The following MMP2 variants were observed in gnomAD, a reference collection of about 807,000 sequenced individuals.
MMP2 encodes matrix metallopeptidase 2.
In MMP2, 39 loss-of-function variants were observed where a neutral mutation model predicts 74.8. That is an observed-to-expected ratio of 0.52 (90% CI 0.40 to 0.68). The LOEUF (loss-of-function observed/expected upper bound fraction) is 0.68. Ranked by LOEUF, MMP2 falls within the 30% of genes least tolerant of loss-of-function variation. The pLI is 0.00. For missense variants in MMP2, 803 were observed against 878.3 expected (o/e 0.91, Z 1.08); for synonymous variants, 367 against 339.8 (o/e 1.08, Z -0.88).
intron 11 of MMP2, among the ~76,000 whole-genome samples, chr16:55,502,575 A>G (rs1299345282): frequency 6.6e-6 from 1 of 152,176 alleles, no homozygotes; most frequent in Non-Finnish European, 1.5e-5. Flanking sequence ...CCAAAGTCAT[A>G]TAATTAAAAG....
rs572635943 is a variant in MMP2 at position 55,483,207 on chromosome 16, T to C, written c.380+72T>C. ...ACGAGTCTCCTTGACCCATGCATTC[T>C]CTCCACTCAGGGGATCCATGAGGTG... On this transcript the variant is annotated intron_variant, in intron 2 of 12. Coordinates refer to ENST00000219070, the MANE Select transcript of MMP2 (RefSeq NM_004530.6). 4.1e-6 allele frequency: 5 copies of C among 1,231,452 alleles called. No individual in the cohort carries two copies. In the South Asian group the frequency reaches 6.7e-5, roughly 16 times the overall value. The allele number at this position is 1,231,452 out of a possible 1,614,324, so 76.3% of individuals were successfully genotyped here.
At chr16:55,485,851 C>A in intron 5 of MMP2, 74 bp downstream of exon 5, 1 of 1,486,306 alleles carries the variant, frequency 6.7e-7, no homozygotes, top group Non-Finnish European at 9.3e-7. Flanking sequence ...GTGTGCTCTT[C>A]CCTCCACACT....
intron 9 of MMP2, among the ~76,000 whole-genome samples, chr16:55,495,174 G>A (rs1962501833): frequency 6.6e-6 from 1 of 152,200 alleles, no homozygotes; most frequent in African/African-American, 2.4e-5. Context: ...GCCCAAATCA[G>A]GATATATAAC....
rs1413803169 is a variant in MMP2, at chr16:55,497,012, T to C, written c.1559T>C (p.Ile520Thr). 10 of 1,614,148 alleles carry C rather than the reference T, an allele frequency of 6.2e-6. No homozygotes were observed. In the Middle Eastern group the frequency reaches 6.6e-4, roughly 107 times the overall value. Residue 520 changes from isoleucine to threonine, a missense_variant, in exon 10 of 13, where the codon ATT (isoleucine) becomes ACT (threonine). By Grantham distance (89) the Ile-to-Thr change is moderately conservative. Transcript: ENST00000219070. ...ATFWPELPEK[I>T]DAVYEAPQEE... is the part of the protein sequence containing the mutation. The stretch of plus-strand genomic sequence containing the variant: ...TTCTGGCCTGAGCTCCCGGAAAAGA[T>C]TGATGCGGTATACGAGGCCCCACAG...
At chr16:55,480,855 T>C (rs569204748) in intron 1 of MMP2, among the ~76,000 whole-genome samples, 1 of 152,260 alleles carries the variant, frequency 6.6e-6, no homozygotes, top group Admixed American at 6.5e-5. Context: ...GAAACCTCCA[T>C]ACATTTTTAG....
At position 55,491,888 on chromosome 16, in the gene MMP2, C is replaced by T; in HGVS notation, c.1268C>T (p.Pro423Leu). The T allele has an allele frequency of 6.2e-7, 1 of 1,614,198 alleles. No homozygotes were observed. Among genetic ancestry groups the T allele is most frequent in the Non-Finnish European group, 8.5e-7 (1 of 1,180,036 alleles). ...HSQDPGALMAPIYTYTKNFRL... is the reference protein window; with the variant it reads ...HSQDPGALMALIYTYTKNFRL... ...CAAGACCCTGGGGCCCTGATGGCAC[C>T]CATTTACACCTACACCAAGAACTTC... Residue 423 changes from proline (P) to leucine (L), a missense_variant, in exon 8 of 13, where the codon CCC becomes CTC. Around this residue, in one of 3 missense-constraint regions of MMP2, gnomAD observed 555 missense variants for 592.0 expected, o/e 0.94. Transcript: ENST00000219070.
At chr16:55,498,194 C>T in intron 10 of MMP2, 95 bp from the exon 11 acceptor site, 1 of 1,513,326 alleles carries the variant, frequency 6.6e-7, no homozygotes. Context: ...TTGGGAATGG[C>T]TGCAGTGGGG....
At chr16:55,481,619 C>T (rs1255675527) in intron 1 of MMP2, 1 of 481,164 alleles carries the variant, frequency 2.1e-6, no homozygotes, top group African/African-American at 2.0e-5. Flanking sequence ...TACCCAGCCC[C>T]CCACTCAAGA....
chr16:55,496,903 T>C (rs746095312), intron 9 of MMP2, 23 bp from the exon 10 acceptor site: 1 of 1,613,270 alleles, frequency 6.2e-7, no homozygotes, highest in Non-Finnish European at 8.5e-7. Flanking sequence ...TGTGGTTTCC[T>C]GTGCCCCCTT....
chr16:55,504,396 A>T (rs1364194659), intron 12 of MMP2, among the ~76,000 whole-genome samples: 5 of 152,118 alleles, frequency 3.3e-5, no homozygotes, highest in Non-Finnish European at 4.4e-5. Context: ...GAATGTGCTT[A>T]GTTTGATGCT....
intron 12 of MMP2, among the ~76,000 whole-genome samples, chr16:55,504,651 ATTTT>A (rs71149619): frequency 3.4e-3 from 452 of 131,712 alleles, no homozygotes; most frequent in Non-Finnish European, 5.2e-3. Flanking sequence ...AAACAATTGA[ATTTT>A]TTTTTTTTTT....
chr16:55,498,312 G>A lies in MMP2; in HGVS notation c.1633G>A (p.Ala545Thr). 1 of 1,614,214 alleles carries A rather than the reference G, an allele frequency of 6.2e-7. No homozygotes were observed. The highest frequency in any genetic ancestry group is 8.5e-7 in the Non-Finnish European group (1 of 1,180,048). ...AGGGAATGAATACTGGATCTACTCA[G>A]CCAGCACCCTGGAGCGAGGGTACCC... Reference protein sequence around the residue: ...FAGNEYWIYSASTLERGYPKP... With the variant: ...FAGNEYWIYSTSTLERGYPKP... The change falls in exon 11 of 13, where the codon GCC becomes ACC. Residue 545 changes from alanine to threonine, a missense_variant. Physicochemically the swap from Ala to Thr is moderately conservative, Grantham distance 58. This residue lies in a region of MMP2 where 555 missense variants were observed against 592.0 expected (regional missense o/e 0.94). Coordinates refer to ENST00000219070, the MANE Select transcript of MMP2 (RefSeq NM_004530.6).
rs1459341411 is a variant in MMP2, at chr16:55,497,039, A to T, written c.1586A>T (p.Glu529Val). Residue 529 changes from glutamate (E) to valine (V), a missense_variant, in exon 10 of 13, where the codon GAG becomes GTG. Transcript: ENST00000219070. ...KIDAVYEAPQ[E>V]EKAVFFAGNE... The stretch of plus-strand genomic sequence containing the variant: ...GATGCGGTATACGAGGCCCCACAGG[A>T]GGAGAAGGCTGTGTTCTTTGCAGGT... The T allele has an allele frequency of 6.2e-7, 1 of 1,614,126 alleles. No homozygotes were observed. Among genetic ancestry groups the T allele is most frequent in the African/African-American group, 1.3e-5 (1 of 75,052 alleles).
chr16:55,491,676 G>A (rs149956033), intron 7 of MMP2, 125 bp from the exon 8 acceptor site: 55 of 1,103,484 alleles, frequency 5.0e-5, no homozygotes, highest in African/African-American at 1.4e-4. Context: ...AATACATGCC[G>A]CTTCCAGGGT....
Position 55,498,419 on chromosome 16 carries a change from A to C in MMP2, c.1740A>C (p.Thr580=). Residue 580 remains threonine, a synonymous_variant, in exon 11 of 13, where the codon ACA becomes ACC. Transcript: ENST00000219070. ...AAFNWSKNKK[T]YIFAGDKFWR... ...TTAACTGGAGCAAAAACAAGAAGACATACATCTTTGCTGGAGACAAATTCT... is the reference window on the plus strand; with the variant it reads ...TTAACTGGAGCAAAAACAAGAAGACCTACATCTTTGCTGGAGACAAATTCT... 1 of 1,614,206 alleles carries C rather than the reference A, an allele frequency of 6.2e-7. No individual in the cohort carries two copies. The highest frequency in any genetic ancestry group is 8.5e-7 in the Non-Finnish European group (1 of 1,180,040).
chr16:55,488,423 C>A, intron 5 of MMP2, 120 bp from the exon 6 acceptor site: 1 of 1,005,484 alleles, frequency 9.9e-7, no homozygotes, highest in Non-Finnish European at 1.5e-6. Flanking sequence ...GAGATGTTTT[C>A]TTAATATTTT....
chr16:55,498,584 C>T (rs1312355972), intron 11 of MMP2, 136 bp downstream of exon 11: 1 of 1,116,284 alleles, frequency 9.0e-7, no homozygotes, highest in East Asian at 2.4e-5. Flanking sequence ...TATCTAACCT[C>T]TTTGGTCTCT....
In MMP2 at chr16:55,479,914, A is replaced by C. The variant is rs552711427; in HGVS notation, c.153+282A>C. ...GAGAGTGGGAGAGGGGTGACCTGGC[A>C]AACTACTGGAAAGGGACTCTTATGT... On this transcript the variant is annotated intron_variant, in intron 1 of 12. Coordinates refer to ENST00000219070, the MANE Select transcript of MMP2 (RefSeq NM_004530.6). 2.5e-4 allele frequency: 99 copies of C among 398,790 alleles called. 1 individual carries two copies. Among genetic ancestry groups the C allele is most frequent in the African/African-American group, 2.0e-3 (92 of 45,702 alleles). The allele number at this position is 398,790 out of a possible 1,614,324, so 24.7% of individuals were successfully genotyped here.
rs112159982 is a variant in MMP2 at position 55,505,535 on chromosome 16, C to T, written c.*93C>T. The T allele has an allele frequency of 2.1e-3, 2,209 of 1,061,198 alleles. 31 individuals carry two copies. The highest frequency in any genetic ancestry group is 0.019 in the East Asian group (786 of 42,210). The allele number at this position is 1,061,198 out of a possible 1,614,324, so 65.7% of individuals were successfully genotyped here. A position where few individuals can be genotyped will look rare whatever the true frequency, so the allele number is the denominator to read the frequency against. On this transcript the variant is annotated 3_prime_UTR_variant, in exon 13 of 13. Coordinates refer to ENST00000219070, the MANE Select transcript of MMP2 (RefSeq NM_004530.6). ...GAAGGACCCGGAGGGGCCTGGCAGCCGTGCCTTCAGCTCTACAGCTAATCA... is the reference window on the plus strand; with the variant it reads ...GAAGGACCCGGAGGGGCCTGGCAGCTGTGCCTTCAGCTCTACAGCTAATCA...
Sources: allele counts gnomAD v4.1 joint callset (sites outside exome capture counted in the v4.1 genomes callset), GRCh38; gene constraint gnomAD v4.1.1; regional missense constraint gnomAD v4.1.1; transcripts MANE v1.5; gene names NCBI Gene and HGNC (gene_info 2026-07-23, HGNC 2026-07-21).